IGF2: variants seen among roughly 807,000 people sequenced by gnomAD.
IGF2 encodes the protein insulin like growth factor 2.
IGF2 carries 2 observed loss-of-function variants against 12.0 expected under a neutral mutation model. That is an observed-to-expected ratio of 0.17 (90% CI 0.07 to 0.52). IGF2 has a LOEUF of 0.52. IGF2 is among the 20% of genes least tolerant of loss of function. The pLI, the probability that IGF2 is intolerant of heterozygous loss-of-function variation, is 0.95. For synonymous variants in IGF2, 105 were observed against 110.1 expected, an observed-to-expected ratio of 0.95 and a Z score of 0.29; for missense variants, 211 against 268.0, an observed-to-expected ratio of 0.79 and a Z score of 1.48.
rs1252381319 is a variant in IGF2, at chr11:2,139,020, C to A, written c.-798G>T. 1 of 833,066 alleles carries A rather than the reference C, an allele frequency of 1.2e-6. No homozygotes were observed. The highest frequency in any genetic ancestry group is 1.4e-6 in the Non-Finnish European group (1 of 721,772). 51.6% of individuals were successfully genotyped at this position (833,066 alleles called of 1,614,324 possible). ...CCGGGACGCAGCGCGGAAAGGGGAG[C>A]GGCCCGAGGCTGCGCGCCGGGGGGA... is the stretch of plus-strand genomic sequence containing the variant. On this transcript the variant is annotated 5_prime_UTR_variant, in exon 1 of 4. Transcript: ENST00000416167.
At position 2,133,312 on chromosome 11, in the gene IGF2, G is replaced by T. The variant is rs1025955007; in HGVS notation, c.307-89C>A. 2 of 1,069,536 alleles carry T rather than the reference G, an allele frequency of 1.9e-6. No individual in the cohort carries two copies. The highest frequency in any genetic ancestry group is 1.6e-5 in the African/African-American group (1 of 62,684). The allele number at this position is 1,069,536 out of a possible 1,614,324, so 66.3% of individuals were successfully genotyped here. ...GCCTGACCTGACAGGCCACCCCTGT[G>T]ACTGATCAGTGACTTGAGCTAATGT... On this transcript the variant is annotated intron_variant, in intron 3 of 3. Coordinates refer to ENST00000416167, the MANE Select transcript of IGF2 (RefSeq NM_000612.6). The surrounding 1 kb of genome is among the most constrained non-coding windows in gnomAD (Gnocchi z 8.9).
rs567634747 is a variant in IGF2, at chr11:2,136,626, A to T, written c.-6-1097T>A. 6.6e-5 allele frequency among the ~76,000 whole-genome samples: 10 copies of T among 152,344 alleles called. No homozygotes were observed. In the South Asian group the frequency reaches 2.1e-3, roughly 32 times the overall value. On this transcript the variant is annotated intron_variant, in intron 1 of 3. Transcript: ENST00000416167. Reference sequence around the variant, plus strand: ...ACCCAGGGGAGTTTTTGATGCAATAAATTATGTGAGCGACTGAGCAGGCAG... The same window carrying T: ...ACCCAGGGGAGTTTTTGATGCAATATATTATGTGAGCGACTGAGCAGGCAG...
the IGF2 span, chr11:2,146,808 C>G: frequency 4.9e-6 from 1 of 203,148 alleles, no homozygotes; most frequent in Non-Finnish European, 1.0e-5. Context: ...CTCCCCAAGT[C>G]CTGGAGCCTC....
rs965105226 is a variant in IGF2 at position 2,138,809 on chromosome 11, G to T, written c.-587C>A. ...CGGGGCCAGACGCCAAGAGGGGCGC[G>T]GGGAGCACAGAGAAGCGGAGGGAAG... On this transcript the variant is annotated 5_prime_UTR_variant, in exon 1 of 4. Coordinates refer to ENST00000416167, the MANE Select transcript of IGF2 (RefSeq NM_000612.6). The T allele has an allele frequency of 1.5e-5, 14 of 943,664 alleles. No homozygotes were observed. Among genetic ancestry groups the T allele is most frequent in the South Asian group, 4.9e-5 (1 of 20,392 alleles). 58.5% of individuals were successfully genotyped at this position (943,664 alleles called of 1,614,324 possible). A position where few individuals can be genotyped will look rare whatever the true frequency, so the allele number is the denominator to read the frequency against.
At position 2,139,277 on chromosome 11, in the gene IGF2, G is replaced by A. The variant is rs1304297079; in HGVS notation, c.-1055C>T. 6.7e-6 allele frequency: 1 copy of A among 148,698 alleles called. No individual in the cohort carries two copies. The highest frequency in any genetic ancestry group is 1.5e-5 in the Non-Finnish European group (1 of 66,702). 9.2% of individuals were successfully genotyped at this position (148,698 alleles called of 1,614,324 possible). Reference sequence around the variant, plus strand: ...GCGTCGACGCGGGGCCGCCTTGCCCGATGGAGGCGCTGGTGGGCAGAGCGC... The same window carrying A: ...GCGTCGACGCGGGGCCGCCTTGCCCAATGGAGGCGCTGGTGGGCAGAGCGC... On this transcript the variant is annotated 5_prime_UTR_variant, in exon 1 of 4. Coordinates refer to ENST00000416167, the MANE Select transcript of IGF2 (RefSeq NM_000612.6).
chr11:2,140,473 A>T (rs1859492280), upstream of IGF2: 3 of 611,086 alleles, frequency 4.9e-6, no homozygotes, highest in Non-Finnish European at 8.3e-6. Context: ...TCCGCCATCA[A>T]TCACTTCGCC....
chr11:2,137,854 G>A (rs1008038232), intron 1 of IGF2, among the ~76,000 whole-genome samples: 1 of 152,102 alleles, frequency 6.6e-6, no homozygotes, highest in Admixed American at 6.5e-5. Context: ...GCGGCTCCGC[G>A]CCCCTCCTCG....
chr11:2,138,453 C>T lies in IGF2; in HGVS notation c.-231G>A, dbSNP rs1859265557. 2.2e-6 allele frequency: 2 copies of T among 910,278 alleles called. No individual in the cohort carries two copies. The highest frequency in any genetic ancestry group is 2.6e-6 in the Non-Finnish European group (2 of 774,896). 56.4% of individuals were successfully genotyped at this position (910,278 alleles called of 1,614,324 possible). A position where few individuals can be genotyped will look rare whatever the true frequency, so the allele number is the denominator to read the frequency against. On this transcript the variant is annotated 5_prime_UTR_variant, in exon 1 of 4. Transcript: ENST00000416167. Reference sequence around the variant, plus strand: ...CGGGCTGTCTTCGGGCTGGGGCGGGCCAGATGTTGTACTTTTCGGGGGGGA... The same window carrying T: ...CGGGCTGTCTTCGGGCTGGGGCGGGTCAGATGTTGTACTTTTCGGGGGGGA...
At position 2,132,249 on chromosome 11, in the gene IGF2, G is replaced by A. The variant is rs753731732; in HGVS notation, c.*738C>T. ...GTCCTCCCCTCCTTTGGTCTTACTG[G>A]GTCCCTCTGACTGCTCTGTGATTTT... On this transcript the variant is annotated 3_prime_UTR_variant, in exon 4 of 4. Transcript: ENST00000416167. 4.9e-6 allele frequency: 1 copy of A among 203,266 alleles called. No individual in the cohort carries two copies. Among genetic ancestry groups the A allele is most frequent in the Non-Finnish European group, 1.0e-5 (1 of 99,008 alleles). 12.6% of individuals were successfully genotyped at this position (203,266 alleles called of 1,614,324 possible). A position where few individuals can be genotyped will look rare whatever the true frequency, so the allele number is the denominator to read the frequency against.
In IGF2 at chr11:2,132,759, A is replaced by C. The variant is rs1179417767; in HGVS notation, c.*228T>G. On this transcript the variant is annotated 3_prime_UTR_variant, in exon 4 of 4. Transcript: ENST00000416167. ...GGTATGTGAAGGGTGTTTAAAGCCA[A>C]TCGATTTTGTACATGTTTGAAGATG... 1.5e-5 allele frequency: 7 copies of C among 471,796 alleles called. No homozygotes were observed. The highest frequency in any genetic ancestry group is 2.6e-5 in the Non-Finnish European group (7 of 266,372). The allele number at this position is 471,796 out of a possible 1,614,324, so 29.2% of individuals were successfully genotyped here. A position where few individuals can be genotyped will look rare whatever the true frequency, so the allele number is the denominator to read the frequency against.
upstream of IGF2, among the ~76,000 whole-genome samples, chr11:2,142,307 TC>T (rs1418494982): frequency 1.3e-5 from 2 of 151,530 alleles, no homozygotes; most frequent in Non-Finnish European, 2.9e-5. This position sits in a 1 kb window ranked among gnomAD's most constrained non-coding sequence, Gnocchi z 5.7. Flanking sequence ...TCCAGGAAAA[TC>T]GTTTTTGAAT....
rs903652931 is a variant in IGF2, at chr11:2,131,603, G to A, written c.*1384C>T. 6 of 168,760 alleles carry A rather than the reference G, an allele frequency of 3.6e-5. No homozygotes were observed. Among genetic ancestry groups the A allele is most frequent in the African/African-American group, 5.1e-5 (2 of 39,500 alleles). The allele number at this position is 168,760 out of a possible 1,614,324, so 10.5% of individuals were successfully genotyped here. On this transcript the variant is annotated 3_prime_UTR_variant, in exon 4 of 4. Transcript: ENST00000416167. The stretch of plus-strand genomic sequence containing the variant: ...CTGTGTTCATGTGTGCTGTGCATGC[G>A]TGTGTGCTGTGTGTGCATGTGTGTG...
chr11:2,134,237 G>C (rs747575116), intron 2 of IGF2: 1 of 450,950 alleles, frequency 2.2e-6, no homozygotes, highest in Non-Finnish European at 4.5e-6. Flanking sequence ...CAGCTGGAAG[G>C]GGAAGGTCGC....
At chr11:2,144,180 AG>A (rs1176675090), upstream of IGF2, among the ~76,000 whole-genome samples, 1 of 152,126 alleles carries the variant, frequency 6.6e-6, no homozygotes, top group African/African-American at 2.4e-5. Flanking sequence ...AAGAAACCCA[AG>A]GGCCGCGAGG....
the IGF2 span, chr11:2,149,175 A>T: frequency 6.2e-7 from 1 of 1,613,366 alleles, no homozygotes; most frequent in East Asian, 2.2e-5. Context: ...CAGTGGATAA[A>T]GAGGACCGGG....
upstream of IGF2, chr11:2,140,616 C>G (rs765782826): frequency 6.1e-5 from 32 of 522,500 alleles, no homozygotes; most frequent in Non-Finnish European, 7.5e-5. Context: ...ACCCTCCAGC[C>G]GCTTTCCCCA....
Position 2,132,994 on chromosome 11 carries a change from C to T in IGF2, c.536G>A (p.Arg179Gln), listed in dbSNP as rs565575035. 67 of 1,526,312 alleles carry T rather than the reference C, an allele frequency of 4.4e-5. No individual in the cohort carries two copies. The highest frequency in any genetic ancestry group is 2.4e-4 in the South Asian group (19 of 78,618). The allele number at this position is 1,526,312 out of a possible 1,614,324, so 94.5% of individuals were successfully genotyped here. A position where few individuals can be genotyped will look rare whatever the true frequency, so the allele number is the denominator to read the frequency against. Residue 179 changes from arginine to glutamine, a missense_variant, in exon 4 of 4, where the codon CGG becomes CAG. Physicochemically the swap from Arg to Gln is conservative, Grantham distance 43. Transcript: ENST00000416167. ...GACTTGCGGCAGTTTTGCTCACTTCCGATTGCTGGCCATCTCTGGGGGGGC... is the reference window on the plus strand; with the variant it reads ...GACTTGCGGCAGTTTTGCTCACTTCTGATTGCTGGCCATCTCTGGGGGGGC... ...GGAPPEMASN[R>Q]K
upstream of IGF2, among the ~76,000 whole-genome samples, chr11:2,143,830 C>A (rs1197775779): frequency 6.6e-6 from 1 of 152,230 alleles, no homozygotes; most frequent in Non-Finnish European, 1.5e-5. Flanking sequence ...TGTCCGAGTT[C>A]GGGGAAAGCA....
upstream of IGF2, chr11:2,140,759 G>A (rs766427108): frequency 3.1e-6 from 1 of 326,826 alleles, no homozygotes; most frequent in Admixed American, 5.2e-5. Context: ...GGCGGCAGCC[G>A]GAGACGAGCG....
Sources: allele counts gnomAD v4.1 joint callset (sites outside exome capture counted in the v4.1 genomes callset), GRCh38; gene constraint gnomAD v4.1.1; non-coding constraint Gnocchi (gnomAD v3.1); transcripts MANE v1.5; gene names NCBI Gene and HGNC (gene_info 2026-07-23, HGNC 2026-07-21).